The following NTNG1 variants were observed in gnomAD, a reference collection of about 807,000 sequenced individuals.
The protein encoded by NTNG1 is netrin-G1.
Under a neutral mutation model 54.0 loss-of-function variants are expected in NTNG1, and 16 were observed. The ratio of observed to expected loss-of-function variants is 0.30; its 90% confidence interval spans 0.20 to 0.45. NTNG1 has a LOEUF of 0.45. Ranked by LOEUF, NTNG1 falls within the 20% of genes least tolerant of loss-of-function variation. NTNG1 has a pLI of 1.00. For missense variants in NTNG1, 530 were observed against 678.7 expected (o/e 0.78, Z 2.43); for synonymous variants, 255 against 263.1 (o/e 0.97, Z 0.30).
chr1:107,368,873 T>C (rs1342719614), intron 3 of NTNG1, among the ~76,000 whole-genome samples: 3 of 152,234 alleles, frequency 2.0e-5, no homozygotes, highest in African/African-American at 7.2e-5. Flanking sequence ...ATTTGAAATG[T>C]ACAATTTGAT....
At chr1:107,195,233 G>A (rs1037949621) in intron 2 of NTNG1, among the ~76,000 whole-genome samples, 4 of 151,842 alleles carry the variant, frequency 2.6e-5, no homozygotes, top group Non-Finnish European at 4.4e-5. Flanking sequence ...TTAAATCCAC[G>A]TACATTCTGC....
chr1:107,433,119 A>G (rs557083492), intron 6 of NTNG1, among the ~76,000 whole-genome samples: 1 of 152,352 alleles, frequency 6.6e-6, no homozygotes, highest in South Asian at 2.1e-4. Flanking sequence ...AAAGTTTATT[A>G]ATTAAAATTA....
chr1:107,454,121 C>A lies in NTNG1; in HGVS notation c.1390+17322C>A, dbSNP rs17019089. Among the ~76,000 whole-genome samples, 672 of 152,212 alleles carry A rather than the reference C, an allele frequency of 4.4e-3. 10 individuals are homozygous for A. The highest frequency in any genetic ancestry group is 0.016 in the African/African-American group (645 of 41,516). On this transcript the variant is annotated intron_variant, in intron 7 of 7. Coordinates refer to ENST00000370068, the MANE Select transcript of NTNG1 (RefSeq NM_001113226.3). ...CAGTTTGCTTTCAGTGAAATGAAAA[C>A]AGCCCTCAGTACTCATTAATGGGAG...
chr1:107,371,510 A>G (rs1030185874), intron 3 of NTNG1, among the ~76,000 whole-genome samples: 9 of 152,112 alleles, frequency 5.9e-5, no homozygotes, highest in African/African-American at 2.2e-4. Flanking sequence ...GATAAAATAG[A>G]CAAGATTTTT....
intron 2 of NTNG1, among the ~76,000 whole-genome samples, chr1:107,170,592 G>A (rs1656147491): frequency 6.6e-6 from 1 of 151,992 alleles, no homozygotes; most frequent in African/African-American, 2.4e-5. Context: ...GATATAAATG[G>A]AACATAATTA....
At chr1:107,219,002 G>A (rs1264424862) in intron 2 of NTNG1, among the ~76,000 whole-genome samples, 1 of 152,058 alleles carries the variant, frequency 6.6e-6, no homozygotes, top group Non-Finnish European at 1.5e-5. Context: ...TATGTTTTTG[G>A]AAAAACTCTG....
At chr1:107,182,243 T>C (rs1570781804) in intron 2 of NTNG1, among the ~76,000 whole-genome samples, 1 of 152,054 alleles carries the variant, frequency 6.6e-6, no homozygotes, top group Non-Finnish European at 1.5e-5. Context: ...TTAAAAAAAG[T>C]ATAGGCACAA....
At chr1:107,342,165 G>A (rs1208192137) in intron 3 of NTNG1, among the ~76,000 whole-genome samples, 1 of 152,002 alleles carries the variant, frequency 6.6e-6, no homozygotes, top group Non-Finnish European at 1.5e-5. Context: ...ATGAAAATAA[G>A]CATTTTGGTG....
At chr1:107,157,090 C>G (rs1317201546) in intron 2 of NTNG1, among the ~76,000 whole-genome samples, 1 of 152,098 alleles carries the variant, frequency 6.6e-6, no homozygotes, top group Admixed American at 6.6e-5. Flanking sequence ...GTTATGGCCT[C>G]TGATATTTTT....
intron 7 of NTNG1, among the ~76,000 whole-genome samples, chr1:107,463,487 G>A (rs1005719951): frequency 4.0e-5 from 6 of 149,708 alleles, no homozygotes; most frequent in Non-Finnish European, 7.4e-5. Flanking sequence ...TATTAGTTAT[G>A]TAATGCTAGA....
chr1:107,385,536 G>C (rs1671909020), intron 3 of NTNG1, among the ~76,000 whole-genome samples: 1 of 151,878 alleles, frequency 6.6e-6, no homozygotes, highest in Non-Finnish European at 1.5e-5. Flanking sequence ...AAGGTGTTGA[G>C]AGGTGTTATC....
At chr1:107,282,316 C>T (rs1202357825) in intron 2 of NTNG1, among the ~76,000 whole-genome samples, 1 of 152,136 alleles carries the variant, frequency 6.6e-6, no homozygotes, top group Non-Finnish European at 1.5e-5. Flanking sequence ...GAACCTTCAT[C>T]CTGAGACTTC....
At chr1:107,437,897 C>T (rs1234132567) in intron 7 of NTNG1, among the ~76,000 whole-genome samples, 1 of 152,074 alleles carries the variant, frequency 6.6e-6, no homozygotes, top group East Asian at 1.9e-4. Context: ...CCATATTGGA[C>T]AGCACAGCCC....
At chr1:107,346,171 A>G (rs1465460844) in intron 3 of NTNG1, among the ~76,000 whole-genome samples, 1 of 152,224 alleles carries the variant, frequency 6.6e-6, no homozygotes, top group Non-Finnish European at 1.5e-5. Context: ...ACTACAGCCA[A>G]CAAGAAATGA....
chr1:107,280,853 C>CTTATTTTATT (rs71275980), intron 2 of NTNG1, among the ~76,000 whole-genome samples: 3,440 of 145,208 alleles, frequency 0.024, 55 homozygotes, highest in African/African-American at 0.045. Flanking sequence ...AGTCCTCTGA[C>CTTATTTTATT]TTATTTTATT....
chr1:107,420,062 T>C (rs907192406), intron 5 of NTNG1, among the ~76,000 whole-genome samples: 10 of 152,050 alleles, frequency 6.6e-5, no homozygotes, highest in African/African-American at 2.4e-4. Context: ...TATTTCCTAT[T>C]GAATTTCATA....
intron 2 of NTNG1, among the ~76,000 whole-genome samples, chr1:107,321,209 G>C (rs1234382951): frequency 6.6e-6 from 1 of 152,090 alleles, no homozygotes; most frequent in Non-Finnish European, 1.5e-5. Context: ...CAACTAGGAT[G>C]GAAGTGCCAC....
At chr1:107,305,361 A>G (rs1666619780) in intron 2 of NTNG1, among the ~76,000 whole-genome samples, 1 of 152,206 alleles carries the variant, frequency 6.6e-6, no homozygotes, top group African/African-American at 2.4e-5. Flanking sequence ...CAACAGTGTA[A>G]TAGCCTTCCT....
At chr1:107,311,814 C>T (rs1283070543) in intron 2 of NTNG1, among the ~76,000 whole-genome samples, 1 of 152,122 alleles carries the variant, frequency 6.6e-6, no homozygotes, top group Admixed American at 6.6e-5. Context: ...AAAAAAATCA[C>T]AATTTTATAT....
Sources: allele counts gnomAD v4.1 joint callset (sites outside exome capture counted in the v4.1 genomes callset), GRCh38; gene constraint gnomAD v4.1.1; transcripts MANE v1.5; gene names NCBI Gene and HGNC (gene_info 2026-07-23, HGNC 2026-07-21).